Variants in KCND1 observed in about 807,000 individuals in gnomAD.
KCND1 encodes A-type voltage-gated potassium channel KCND1.
In KCND1, 11 loss-of-function variants were observed where a neutral mutation model predicts 31.8. That is an observed-to-expected ratio of 0.35 (90% CI 0.22 to 0.57). The LOEUF (loss-of-function observed/expected upper bound fraction) is 0.57, where lower values mean the gene tolerates loss of function less well. Ranked by LOEUF, KCND1 falls within the 20% of genes least tolerant of loss-of-function variation. The pLI, the probability that KCND1 is intolerant of heterozygous loss-of-function variation, is 0.85. For synonymous variants in KCND1, 234 were observed against 248.1 expected, an observed-to-expected ratio of 0.94 and a Z score of 0.53; for missense variants, 471 against 596.8, an observed-to-expected ratio of 0.79 and a Z score of 2.20.
intron 1 of KCND1, 71 bp downstream of exon 1, chrX:48,969,080 C>CT (rs782256709): frequency 1.1e-4 from 111 of 1,046,761 alleles, no homozygotes; most frequent in Non-Finnish European, 1.4e-4. Flanking sequence ...GAGATCATTC[C>CT]TTTAAACTTC....
chrX:48,962,694 C>T lies in KCND1; in HGVS notation c.1831G>A (p.Glu611Lys), dbSNP rs1557057320. ...CCGCCAGGGGAGGAAGGTTGGCTCT[C>T]ATCTGGGGTGTTGGCAGGAGGGGTA... is the stretch of plus-strand genomic sequence containing the variant. ...IPTPPANTPD[E>K]SQPSSPGGGG... is the part of the protein sequence containing the mutation. Residue 611 changes from glutamate to lysine, a missense_variant, in exon 6 of 6, where the codon GAG becomes AAG. Coordinates refer to ENST00000218176, the MANE Select transcript of KCND1 (RefSeq NM_004979.6). The T allele has an allele frequency of 8.3e-7, 1 of 1,210,522 alleles. No individual in the cohort carries two copies. The highest frequency in any genetic ancestry group is 1.8e-5 in the South Asian group (1 of 56,757).
rs1557057266 is a variant in KCND1, at chrX:48,962,608, G to T, written c.1917C>A (p.Pro639=). ...NSSLGTPCLF[P]ETVKISSL is the part of the protein sequence containing the mutation. ...ACAGGGATGAGATCTTGACAGTCTC[G>T]GGGAAGAGGCAAGGGGTACCCAGGC... Residue 639 remains proline (P), a synonymous_variant, in exon 6 of 6, where the codon CCC becomes CCA. Transcript: ENST00000218176. 8.3e-7 allele frequency: 1 copy of T among 1,207,713 alleles called. No individual in the cohort carries two copies. Among genetic ancestry groups the T allele is most frequent in the South Asian group, 1.8e-5 (1 of 56,443 alleles).
intron 1 of KCND1, chrX:48,967,726 G>A (rs1557058262): frequency 1.8e-5 from 2 of 111,652 alleles, no homozygotes; most frequent in Non-Finnish European, 3.8e-5. Context: ...GCATACTCTT[G>A]TTCTGACCGC....
In KCND1 at chrX:48,962,309, A is replaced by G; in HGVS notation, c.*272T>C. The G allele has an allele frequency of 3.2e-6, 1 of 315,872 alleles. No homozygotes were observed. Among genetic ancestry groups the G allele is most frequent in the Middle Eastern group, 8.8e-4 (1 of 1,140 alleles). 26.0% of individuals were successfully genotyped at this position (315,872 alleles called of 1,213,427 possible). A position where few individuals can be genotyped will look rare whatever the true frequency, so the allele number is the denominator to read the frequency against. ...GGAGTCCAGCTGGGAGAGTGGGGCC[A>G]GTCCCAGTGTGCTAGGGCAAGGAGG... On this transcript the variant is annotated 3_prime_UTR_variant, in exon 6 of 6. Coordinates refer to ENST00000218176, the MANE Select transcript of KCND1 (RefSeq NM_004979.6).
chrX:48,963,180 GCTCATGC>G (rs1182943961), intron 5 of KCND1, among the ~76,000 whole-genome samples: 1 of 107,623 alleles, frequency 9.3e-6, no homozygotes, highest in Non-Finnish European at 1.9e-5. Context: ...GGGTGCTGTG[GCTCATGC>G]CTGTAATCCC....
chrX:48,965,973 C>A, intron 5 of KCND1, 82 bp downstream of exon 5: 1 of 1,083,465 alleles, frequency 9.2e-7, no homozygotes, highest in Admixed American at 2.5e-5. Context: ...ACTTGCTAGG[C>A]CTGGAGTTAT....
Position 48,970,195 on chromosome X carries a change from G to T in KCND1, c.77C>A (p.Pro26His). The change falls in exon 1 of 6, where the codon CCC becomes CAC. Residue 26 changes from proline (P) to histidine (H), a missense_variant. Physicochemically the swap from Pro to His is moderately conservative, Grantham distance 77. Coordinates refer to ENST00000218176, the MANE Select transcript of KCND1 (RefSeq NM_004979.6). ...CTTCACCCCCGGTGCCGGGGGCAGGGGTTGCTGGGCCAGGGGCAGCCAGCC... is the reference window on the plus strand; with the variant it reads ...CTTCACCCCCGGTGCCGGGGGCAGGTGTTGCTGGGCCAGGGGCAGCCAGCC... ...AVGWLPLAQQPLPPAPGVKAS... is the reference protein window; with the variant it reads ...AVGWLPLAQQHLPPAPGVKAS... The T allele has an allele frequency of 8.3e-7, 1 of 1,209,097 alleles. No individual in the cohort carries two copies. Among genetic ancestry groups the T allele is most frequent in the Non-Finnish European group, 1.1e-6 (1 of 894,240 alleles).
In KCND1 at chrX:48,969,515, C is replaced by T. The variant is rs2064372015; in HGVS notation, c.757G>A (p.Ala253Thr). 6 of 1,210,094 alleles carry T rather than the reference C, an allele frequency of 5.0e-6. No individual in the cohort carries two copies. The highest frequency in any genetic ancestry group is 6.7e-6 in the Non-Finnish European group (6 of 894,894). Residue 253 changes from alanine to threonine, a missense_variant, in exon 1 of 6, where the codon GCC becomes ACC. Ala to Thr is a moderately conservative substitution (Grantham distance 58). Coordinates refer to ENST00000218176, the MANE Select transcript of KCND1 (RefSeq NM_004979.6). ...CGCAGGAAGCGGCAACGGCTGGGGG[C>T]GGCAAACAGCCGCAGGAGGTATTCA... ...TGEYLLRLFA[A>T]PSRCRFLRSV... is the part of the protein sequence containing the mutation.
intron 1 of KCND1, 86 bp from the exon 2 acceptor site, chrX:48,967,192 G>C (rs1049797717): frequency 2.1e-4 from 171 of 827,261 alleles, no homozygotes; most frequent in Non-Finnish European, 2.8e-4. Context: ...ATCCGGACTA[G>C]CTCTGTGACC....
chrX:48,970,448 G>A lies in KCND1; in HGVS notation c.-177C>T. 2.3e-6 allele frequency: 1 copy of A among 443,534 alleles called. No individual in the cohort carries two copies. The highest frequency in any genetic ancestry group is 3.8e-5 in the South Asian group (1 of 26,455). 36.6% of individuals were successfully genotyped at this position (443,534 alleles called of 1,213,427 possible). On this transcript the variant is annotated 5_prime_UTR_variant, in exon 1 of 6. Transcript: ENST00000218176. Reference sequence around the variant, plus strand: ...GAACTAAAGAGATGGGAAGGAGTCTGGGGGACATTTACAGAACCTAGGAGG... The same window carrying A: ...GAACTAAAGAGATGGGAAGGAGTCTAGGGGACATTTACAGAACCTAGGAGG...
chrX:48,969,371 G>A lies in KCND1; in HGVS notation c.901C>T (p.Arg301Cys), dbSNP rs2064370471. ...FVTLRVFRVF[R>C]IFKFSRHSQG... ...GAGTGCCTGGAGAACTTGAAGATGC[G>A]AAACACCCGGAACACACGCAGGGTG... Residue 301 changes from arginine to cysteine, a missense_variant, in exon 1 of 6, where the codon CGC (arginine) becomes TGC (cysteine). Physicochemically the swap from Arg to Cys is radical, Grantham distance 180. This residue lies in a region of KCND1 where 74 missense variants were observed against 154.2 expected (regional missense o/e 0.48). Coordinates refer to ENST00000218176, the MANE Select transcript of KCND1 (RefSeq NM_004979.6). The A allele has an allele frequency of 8.3e-7, 1 of 1,209,636 alleles. No homozygotes were observed. Among genetic ancestry groups the A allele is most frequent in the Non-Finnish European group, 1.1e-6 (1 of 894,280 alleles).
rs1410870288 is a variant in KCND1 at position 48,962,445 on chromosome X, A to G, written c.*136T>C. The stretch of plus-strand genomic sequence containing the variant: ...TCCCCACTATGTGGACCATTTCATG[A>G]AACTCCATTGCATAGTTCTCAGTGG... On this transcript the variant is annotated 3_prime_UTR_variant, in exon 6 of 6. Coordinates refer to ENST00000218176, the MANE Select transcript of KCND1 (RefSeq NM_004979.6). 4.4e-5 allele frequency: 20 copies of G among 459,004 alleles called. No individual in the cohort carries two copies. The highest frequency in any genetic ancestry group is 7.6e-5 in the Non-Finnish European group (20 of 264,296). The allele number at this position is 459,004 out of a possible 1,213,427, so 37.8% of individuals were successfully genotyped here. A position where few individuals can be genotyped will look rare whatever the true frequency, so the allele number is the denominator to read the frequency against.
rs145016539 is a variant in KCND1 at position 48,962,655 on chromosome X, C to T, written c.1870G>A (p.Gly624Ser). ...AGGCTGGAGTTCCTGAGGGTGCTGC[C>T]GGCCCTGCCACCGCCGCCAGGGGAG... ...PSSPGGGGRA[G>S]STLRNSSLGT... The change falls in exon 6 of 6, where the codon GGC (glycine) becomes AGC (serine). Residue 624 changes from glycine (G) to serine (S), a missense_variant. Physicochemically the swap from Gly to Ser is moderately conservative, Grantham distance 56. This residue lies in a region of KCND1 where 185 missense variants were observed against 184.7 expected (regional missense o/e 1.00). Transcript: ENST00000218176. 8.1e-5 allele frequency: 98 copies of T among 1,207,620 alleles called. No homozygotes were observed. In the South Asian group the frequency reaches 1.0e-3, roughly 12 times the overall value.
At chrX:48,968,803 C>G (rs1288719698) in intron 1 of KCND1, among the ~76,000 whole-genome samples, 1 of 112,166 alleles carries the variant, frequency 8.9e-6, no homozygotes, top group Non-Finnish European at 1.9e-5. Flanking sequence ...CCTGTAATCC[C>G]GGCACTTTGG....
chrX:48,963,583 A>G (rs2064335561), intron 5 of KCND1, among the ~76,000 whole-genome samples: 1 of 111,503 alleles, frequency 9.0e-6, no homozygotes, highest in Admixed American at 9.5e-5. Flanking sequence ...TGAGGACTCT[A>G]GAGTCAGATA....
chrX:48,966,153 G>A lies in KCND1; in HGVS notation c.1620C>T (p.Arg540=), dbSNP rs782165140. ...CAGTGGAGTTGGCAAGGCGGATGGCGCGGCGCTTGGCCCTGCGAGGGCAGC... is the reference window on the plus strand; with the variant it reads ...CAGTGGAGTTGGCAAGGCGGATGGCACGGCGCTTGGCCCTGCGAGGGCAGC... ...SSCCPRRAKR[R]AIRLANSTAS... The change falls in exon 5 of 6, where the codon CGC becomes CGT. Residue 540 remains arginine, a synonymous_variant. Coordinates refer to ENST00000218176, the MANE Select transcript of KCND1 (RefSeq NM_004979.6). 14 of 1,209,415 alleles carry A rather than the reference G, an allele frequency of 1.2e-5. No individual in the cohort carries two copies. The highest frequency in any genetic ancestry group is 6.9e-5 in the African/African-American group (4 of 57,623).
At position 48,971,751 on chromosome X, in the gene KCND1, G is replaced by A. The variant is rs1311848860; in HGVS notation, c.-1480C>T. ...TCGGGGCGTCCTCACCTGTGTCCCC[G>A]CTGCAGGAGCAGCAACAGCGGTGGG... On this transcript the variant is annotated 5_prime_UTR_variant, in exon 1 of 6. Transcript: ENST00000218176. Among the ~76,000 whole-genome samples the A allele has an allele frequency of 7.2e-5, 8 of 111,173 alleles. No individual in the cohort carries two copies. Among genetic ancestry groups the A allele is most frequent in the South Asian group, 7.7e-4 (2 of 2,582 alleles).
intron 5 of KCND1, among the ~76,000 whole-genome samples, chrX:48,965,477 A>G: frequency 8.9e-6 from 1 of 112,228 alleles, no homozygotes. Flanking sequence ...GAAGTTCCAG[A>G]GGACTGGGAT....
Position 48,965,144 on chromosome X carries a change from C to T in KCND1, c.1718+911G>A, listed in dbSNP as rs1023105998. On this transcript the variant is annotated intron_variant, in intron 5 of 5. Transcript: ENST00000218176. ...CTCAGTTCACTGGAACCTCCACCTC[C>T]CGGGTTCAGGCAATTCTCCTGCCTC... Among the ~76,000 whole-genome samples, 62 of 106,547 alleles carry T rather than the reference C, an allele frequency of 5.8e-4. No homozygotes were observed. The South Asian group carries it at 0.026, about 45-fold the overall frequency. 92.5% of individuals were successfully genotyped at this position (106,547 alleles called of 115,157 possible). A position where few individuals can be genotyped will look rare whatever the true frequency, so the allele number is the denominator to read the frequency against.
Sources: gnomAD v4.1 joint callset for allele counts (sites outside exome capture counted in the v4.1 genomes callset) on GRCh38, gnomAD v4.1.1 for gene constraint, gnomAD v4.1.1 regional missense constraint, MANE v1.5 for transcripts, NCBI Gene and HGNC (gene_info 2026-07-23, HGNC 2026-07-21) for gene names.